RANBP3: variants seen among roughly 807,000 people sequenced by gnomAD.
RANBP3 encodes RAN binding protein 3.
In RANBP3, 14 loss-of-function variants were observed where a neutral mutation model predicts 77.3. That is an observed-to-expected ratio of 0.18 (90% CI 0.12 to 0.28). The LOEUF is 0.28. RANBP3 is among the 10% of genes least tolerant of loss of function. The pLI is 1.00. For synonymous variants in RANBP3, 315 were observed against 312.4 expected (o/e 1.01, Z -0.09); for missense variants, 586 against 752.3 (o/e 0.78, Z 2.59).
At chr19:5,977,222 T>C (rs966686060) in intron 1 of RANBP3, among the ~76,000 whole-genome samples, 3 of 151,594 alleles carry the variant, frequency 2.0e-5, no homozygotes, top group Non-Finnish European at 4.4e-5. Flanking sequence ...GAGCTAAAAA[T>C]AGGCCTCAGA....
rs749809709 is a variant in RANBP3 at position 5,917,969 on chromosome 19, C to T, written c.1485G>A (p.Lys495=). The change falls in exon 16 of 17, where the codon AAG becomes AAA. Residue 495 remains lysine, a synonymous_variant. Coordinates refer to ENST00000340578, the MANE Select transcript of RANBP3 (RefSeq NM_007322.3). ...GGGCTGCATACAACTGACCTGTGTC[C>T]TTGGAGCTGGCCTGGGAAGGGAGGA... ...VKVFLISASS[K]DTGQLYAALH... is the part of the protein sequence containing the mutation. 6.3e-7 allele frequency: 1 copy of T among 1,594,178 alleles called. No homozygotes were observed. Among genetic ancestry groups the T allele is most frequent in the Admixed American group, 1.7e-5 (1 of 58,656 alleles).
intron 6 of RANBP3, chr19:5,933,198 T>C (rs2058018663): frequency 2.0e-6 from 1 of 502,454 alleles, no homozygotes. Context: ...GTGCCACCAC[T>C]GCCCACTTTT....
intron 12 of RANBP3, 80 bp from the exon 13 acceptor site, chr19:5,923,383 G>C: frequency 6.9e-7 from 1 of 1,443,198 alleles, no homozygotes; most frequent in Non-Finnish European, 9.7e-7. Context: ...CAGGAGATGA[G>C]AGGGTTGGTT....
chr19:5,941,672 C>T lies in RANBP3; in HGVS notation c.355G>A (p.Val119Ile), dbSNP rs774128208. Residue 119 changes from valine (V) to isoleucine (I), a missense_variant, in exon 5 of 17, where the codon GTC becomes ATC. Coordinates refer to ENST00000340578, the MANE Select transcript of RANBP3 (RefSeq NM_007322.3). ...AAAGAGGATGTTCTTTCTCGCTTGACAGGAGGGCAGTAATTTCCATCTTCT... is the reference window on the plus strand; with the variant it reads ...AAAGAGGATGTTCTTTCTCGCTTGATAGGAGGGCAGTAATTTCCATCTTCT... ...DREDGNYCPP[V>I]KRERTSSLTQ... 1 of 1,613,874 alleles carries T rather than the reference C, an allele frequency of 6.2e-7. No homozygotes were observed. Among genetic ancestry groups the T allele is most frequent in the South Asian group, 1.1e-5 (1 of 91,062 alleles).
At position 5,917,944 on chromosome 19, in the gene RANBP3, G is replaced by C. The variant is rs2057764678; in HGVS notation, c.1510C>G (p.Leu504Val). ...SKDTGQLYAA[L>V]HHRILALRSR... ...CGCAGGGCCAGGATGCGGTGGTGCAGGGCTGCATACAACTGACCTGTGTCC... is the reference window on the plus strand; with the variant it reads ...CGCAGGGCCAGGATGCGGTGGTGCACGGCTGCATACAACTGACCTGTGTCC... The change falls in exon 16 of 17, where the codon CTG (leucine) becomes GTG (valine). Residue 504 changes from leucine to valine, a missense_variant. By Grantham distance (32) the Leu-to-Val change is conservative (BLOSUM62 1). This residue lies in a region of RANBP3 where 128 missense variants were observed against 157.0 expected (regional missense o/e 0.82). Transcript: ENST00000340578. 6.2e-7 allele frequency: 1 copy of C among 1,610,740 alleles called. No individual in the cohort carries two copies. Among genetic ancestry groups the C allele is most frequent in the African/African-American group, 1.3e-5 (1 of 74,908 alleles).
intron 3 of RANBP3, among the ~76,000 whole-genome samples, chr19:5,943,893 A>C (rs887848505): frequency 6.6e-6 from 1 of 152,196 alleles, no homozygotes; most frequent in African/African-American, 2.4e-5. Flanking sequence ...GCCAGGCCCT[A>C]GAGTCAGTAC....
intron 16 of RANBP3, 38 bp from the exon 17 acceptor site, chr19:5,917,691 C>G: frequency 6.3e-7 from 1 of 1,599,526 alleles, no homozygotes; most frequent in Non-Finnish European, 8.5e-7. Flanking sequence ...GGATGGAGCC[C>G]GCACTTCCCA....
chr19:5,921,835 C>T lies in RANBP3; in HGVS notation c.1210-514G>A, dbSNP rs2057824316. ...AGTCTCAAGGAGGAATGGAGTGACA[C>T]ACATGGTCCGCCCCTACAGCGCATC... On this transcript the variant is annotated intron_variant, in intron 13 of 16. Coordinates refer to ENST00000340578, the MANE Select transcript of RANBP3 (RefSeq NM_007322.3). The surrounding 1 kb of genome is among the most constrained non-coding windows in gnomAD (Gnocchi z 5.3). Among the ~76,000 whole-genome samples the T allele has an allele frequency of 6.6e-6, 1 of 152,250 alleles. No homozygotes were observed. Among genetic ancestry groups the T allele is most frequent in the African/African-American group, 2.4e-5 (1 of 41,456 alleles).
chr19:5,942,454 T>C (rs1184246065), intron 3 of RANBP3, among the ~76,000 whole-genome samples: 1 of 152,134 alleles, frequency 6.6e-6, no homozygotes, highest in Non-Finnish European at 1.5e-5. Context: ...CCACAAACTT[T>C]AGCTTTAGAG....
intron 3 of RANBP3, among the ~76,000 whole-genome samples, chr19:5,944,057 C>G (rs923309996): frequency 1.3e-5 from 2 of 152,206 alleles, no homozygotes; most frequent in African/African-American, 2.4e-5. Context: ...ACCTGGAAAA[C>G]AGGGATGCGT....
chr19:5,925,622 C>T lies in RANBP3; in HGVS notation c.917+12G>A, dbSNP rs760010697. On this transcript the variant is annotated intron_variant, in intron 10 of 16. Transcript: ENST00000340578. ...GCCATGCCAGGCTGGCCGCTGACAC[C>T]GAGACACACACCTGGAACTGATATA... 3.0e-5 allele frequency: 49 copies of T among 1,612,770 alleles called. No individual in the cohort carries two copies. Among genetic ancestry groups the T allele is most frequent in the Middle Eastern group, 1.6e-4 (1 of 6,072 alleles).
chr19:5,935,979 C>T (rs1320731221), intron 5 of RANBP3: 1 of 323,764 alleles, frequency 3.1e-6, no homozygotes, highest in East Asian at 7.8e-5. Context: ...GAAGAGGACC[C>T]CTCCCGCCGG....
intron 14 of RANBP3, among the ~76,000 whole-genome samples, chr19:5,920,262 G>A (rs554813658): frequency 1.3e-5 from 2 of 152,218 alleles, no homozygotes; most frequent in East Asian, 1.9e-4. Context: ...TTAGCCAGAC[G>A]TGGTGGTGCA....
At chr19:5,944,324 G>A (rs781105290) in intron 3 of RANBP3, among the ~76,000 whole-genome samples, 15 of 152,326 alleles carry the variant, frequency 9.8e-5, no homozygotes, top group African/African-American at 2.6e-4. Flanking sequence ...CAGAGCCTGG[G>A]GTTGCATCTG....
rs557377352 is a variant in RANBP3 at position 5,977,910 on chromosome 19, T to C, written c.22+151A>G. On this transcript the variant is annotated intron_variant, in intron 1 of 16. Coordinates refer to ENST00000340578, the MANE Select transcript of RANBP3 (RefSeq NM_007322.3). ...GTGAGCCCGGCCTGAGGGGACGCAA[T>C]AGGGGGCGGCTGCAAGGCCCGCCAC... 3.3e-4 allele frequency: 326 copies of C among 989,550 alleles called. 2 individuals carry two copies. In the African/African-American group the frequency reaches 5.1e-3, roughly 15 times the overall value. The allele number at this position is 989,550 out of a possible 1,614,324, so 61.3% of individuals were successfully genotyped here. A position where few individuals can be genotyped will look rare whatever the true frequency, so the allele number is the denominator to read the frequency against.
intron 12 of RANBP3, 52 bp downstream of exon 12, chr19:5,923,760 C>T: frequency 6.9e-7 from 1 of 1,449,942 alleles, no homozygotes; most frequent in African/African-American, 1.4e-5. Flanking sequence ...GACCCAGCAT[C>T]CCCCAAGATG....
chr19:5,919,879 C>A (rs1384131778), intron 14 of RANBP3, among the ~76,000 whole-genome samples: 3 of 123,632 alleles, frequency 2.4e-5, no homozygotes, highest in East Asian at 5.2e-4. Context: ...CCAGACTGGG[C>A]AACAAGGGCA....
intron 1 of RANBP3, chr19:5,965,988 G>A (rs1264769450): frequency 2.0e-5 from 3 of 152,194 alleles, no homozygotes; most frequent in African/African-American, 7.2e-5. Context: ...CGGGTCTTCG[G>A]GCCAGGTGGG....
intron 1 of RANBP3, among the ~76,000 whole-genome samples, chr19:5,963,684 A>G (rs769164319): frequency 3.9e-5 from 6 of 152,210 alleles, no homozygotes; most frequent in Non-Finnish European, 8.8e-5. Flanking sequence ...ACTGTGGACA[A>G]CACTGGTGTG....
Sources: allele counts gnomAD v4.1 joint callset (sites outside exome capture counted in the v4.1 genomes callset), GRCh38; gene constraint gnomAD v4.1.1; regional missense constraint gnomAD v4.1.1; non-coding constraint Gnocchi (gnomAD v3.1); transcripts MANE v1.5; gene names NCBI Gene and HGNC (gene_info 2026-07-23, HGNC 2026-07-21).